Variants in SYNE1 observed in about 807,000 individuals in gnomAD.
SYNE1 encodes the protein spectrin repeat containing nuclear envelope protein 1.
In SYNE1, 616 loss-of-function variants were observed where a neutral mutation model predicts 1,111.0. The ratio of observed to expected loss-of-function variants is 0.55; its 90% CI spans 0.52 to 0.59. The LOEUF is 0.59. Among genes scored for constraint, SYNE1 ranks in the 20% least tolerant of loss-of-function variants. The pLI is 0.00. For synonymous variants in SYNE1, 3,855 were observed against 3,825.8 expected (o/e 1.01, Z -0.28); for missense variants, 10,006 against 10,417.0 (o/e 0.96, Z 1.72).
intron 65 of SYNE1, 82 bp downstream of exon 65, chr6:152,359,233 T>A (rs759390693): frequency 4.4e-6 from 7 of 1,585,094 alleles, no homozygotes; most frequent in Non-Finnish European, 6.1e-6. Flanking sequence ...CTGTCATTCT[T>A]GAACATAAAT....
At chr6:152,275,254 C>T (rs939789505) in intron 98 of SYNE1, among the ~76,000 whole-genome samples, 1 of 151,962 alleles carries the variant, frequency 6.6e-6, no homozygotes, top group Middle Eastern at 3.4e-3. Context: ...TTGGGGTATA[C>T]TGGCAAAGGT....
chr6:152,128,819 G>A (rs1420045886), intron 145 of SYNE1: 6 of 152,238 alleles, frequency 3.9e-5, no homozygotes, highest in Non-Finnish European at 8.8e-5. Flanking sequence ...GACTGTGGGT[G>A]AAGTTCATTC....
chr6:152,218,287 G>A lies in SYNE1; in HGVS notation c.22161C>T (p.Ser7387=). Residue 7387 remains serine, a synonymous_variant, in exon 121 of 146, where the codon TCC becomes TCT. Transcript: ENST00000367255. ...GTTCTTCCATCCTTTCCTGGATTGT[G>A]GAGAGGTCAGATGAGTGGCTAGGGT... The part of the protein sequence containing the change: ...GQDPSHSSDL[S]TIQERMEELK... 2 of 1,614,084 alleles carry A rather than the reference G, an allele frequency of 1.2e-6. No individual in the cohort carries two copies. The highest frequency in any genetic ancestry group is 4.5e-5 in the East Asian group (2 of 44,876).
intron 124 of SYNE1, among the ~76,000 whole-genome samples, chr6:152,211,262 G>A (rs2077478351): frequency 3.3e-5 from 5 of 152,114 alleles, no homozygotes; most frequent in Admixed American, 3.3e-4. Flanking sequence ...GGTTGGCTAG[G>A]TGATTTCCAA....
chr6:152,400,345 A>G (rs1463412987), intron 47 of SYNE1, among the ~76,000 whole-genome samples: 1 of 152,194 alleles, frequency 6.6e-6, no homozygotes, highest in Non-Finnish European at 1.5e-5. Context: ...CTAATTAGGA[A>G]TGTTATCTAT....
intron 130 of SYNE1, chr6:152,168,060 C>T (rs1448424080): frequency 3.8e-6 from 3 of 780,794 alleles, no homozygotes; most frequent in Admixed American, 1.7e-5. Context: ...TCCTACAAAC[C>T]CCACGTAACA....
At chr6:152,176,120 A>C (rs2066408463) in intron 130 of SYNE1, among the ~76,000 whole-genome samples, 2 of 152,082 alleles carry the variant, frequency 1.3e-5, no homozygotes, top group African/African-American at 4.8e-5. Context: ...CCCTAAAATA[A>C]AGAATTTTCT....
rs200570558 is a variant in SYNE1 at position 152,456,017 on chromosome 6, T to C, written c.2596A>G (p.Lys866Glu). The C allele has an allele frequency of 2.1e-5, 34 of 1,613,898 alleles. No individual in the cohort carries two copies. The East Asian group carries it at 7.6e-4, about 36-fold the overall frequency. ...TTCTCAATAAGTGTCAAGGTTTTCT[T>C]ACAGTTTTCTTGACAAGCTAACAGT... The part of the protein sequence containing the change: ...QELLACQENC[K>E]KTLTLIEKGS... The change falls in exon 23 of 146, where the codon AAG (lysine) becomes GAG (glutamate). Residue 866 changes from lysine (K) to glutamate (E), a missense_variant. Transcript: ENST00000367255.
At chr6:152,483,744 T>C (rs1016950438) in intron 13 of SYNE1, among the ~76,000 whole-genome samples, 3 of 152,094 alleles carry the variant, frequency 2.0e-5, no homozygotes, top group Non-Finnish European at 4.4e-5. Context: ...TTTAAAGGAT[T>C]CTTTCTATAA....
chr6:152,386,099 C>T (rs913394508), intron 54 of SYNE1, among the ~76,000 whole-genome samples: 1 of 152,326 alleles, frequency 6.6e-6, no homozygotes. Context: ...TGTTGGCTAA[C>T]ATCCCTCACT....
chr6:152,213,400 C>T lies in SYNE1; in HGVS notation c.22494+212G>A, dbSNP rs189658362. On this transcript the variant is annotated intron_variant, in intron 123 of 145. Coordinates refer to ENST00000367255, the MANE Select transcript of SYNE1 (RefSeq NM_182961.4). ...CTTTACAAGGAACTGAAGATTGACA[C>T]GTGCTTATAAACAATCATGGAGCAG... Among the ~76,000 whole-genome samples the T allele has an allele frequency of 4.1e-3, 625 of 152,248 alleles. 4 individuals are homozygous for T. Among genetic ancestry groups the T allele is most frequent in the African/African-American group, 0.015 (607 of 41,548 alleles).
chr6:152,385,304 A>G (rs2097507703), intron 55 of SYNE1, among the ~76,000 whole-genome samples: 1 of 152,240 alleles, frequency 6.6e-6, no homozygotes, highest in South Asian at 2.1e-4. Flanking sequence ...CAAAACATCC[A>G]GAATGACATT....
At chr6:152,282,495 T>A (rs2094095809) in intron 96 of SYNE1, among the ~76,000 whole-genome samples, 1 of 152,084 alleles carries the variant, frequency 6.6e-6, no homozygotes, top group Non-Finnish European at 1.5e-5. Flanking sequence ...AAGGGAGAAA[T>A]CCAAATTTCT....
Position 152,234,749 on chromosome 6 carries a change from G to A in SYNE1, c.20448C>T (p.Asp6816=). 3.7e-6 allele frequency: 6 copies of A among 1,614,172 alleles called. No homozygotes were observed. Among genetic ancestry groups the A allele is most frequent in the Non-Finnish European group, 5.1e-6 (6 of 1,180,022 alleles). ...DLIHWLQSAK[D]RLEFWTQQSV... is the part of the protein sequence containing the mutation. ...ATTGCTGAGTCCAAAATTCTAGCCG[G>A]TCTTTTGCAGATTGTAACCAGTGAA... is the stretch of plus-strand genomic sequence containing the variant. The change falls in exon 111 of 146, where the codon GAC becomes GAT. Residue 6816 remains aspartate (D), a synonymous_variant. Transcript: ENST00000367255.
intron 3 of SYNE1, among the ~76,000 whole-genome samples, chr6:152,603,288 CT>C (rs2099600559): frequency 6.6e-6 from 1 of 152,066 alleles, no homozygotes; most frequent in Non-Finnish European, 1.5e-5. Context: ...TTGAGGGAGA[CT>C]TTTTTGGCCT....
chr6:152,356,190 T>G (rs1435882755), intron 66 of SYNE1, among the ~76,000 whole-genome samples: 1 of 151,976 alleles, frequency 6.6e-6, no homozygotes, highest in Admixed American at 6.6e-5. Context: ...ACTCTGCCAT[T>G]GTAGTATGAA....
chr6:152,426,507 G>C lies in SYNE1; in HGVS notation c.5101-960C>G, dbSNP rs981226270. Reference sequence around the variant, plus strand: ...GCAATGTCAGGATGCAGGAGTAACAGAGTCTGCAGTCCTCTCAGTCATATG... The same window carrying C: ...GCAATGTCAGGATGCAGGAGTAACACAGTCTGCAGTCCTCTCAGTCATATG... On this transcript the variant is annotated intron_variant, in intron 38 of 145. Transcript: ENST00000367255. Among the ~76,000 whole-genome samples the C allele has an allele frequency of 5.3e-5, 8 of 152,250 alleles. 1 individual carries two copies. The South Asian group carries it at 6.2e-4, about 12-fold the overall frequency.
At chr6:152,471,486 G>C in intron 16 of SYNE1, 111 bp downstream of exon 16, 1 of 1,045,780 alleles carries the variant, frequency 9.6e-7, no homozygotes, top group Non-Finnish European at 1.5e-6. Flanking sequence ...TTTAACACAC[G>C]CTATCTTTAT....
At chr6:152,623,636 A>G (rs1225620487) in intron 3 of SYNE1, among the ~76,000 whole-genome samples, 1 of 152,234 alleles carries the variant, frequency 6.6e-6, no homozygotes, top group African/African-American at 2.4e-5. Flanking sequence ...ACAAAGGTCT[A>G]ATATCCAGCA....
Sources: allele counts gnomAD v4.1 joint callset (sites outside exome capture counted in the v4.1 genomes callset), GRCh38; gene constraint gnomAD v4.1.1; transcripts MANE v1.5; gene names NCBI Gene and HGNC (gene_info 2026-07-23, HGNC 2026-07-21).